The following CCDC149 variants were observed in gnomAD, a reference collection of about 807,000 sequenced individuals.
CCDC149 encodes coiled-coil domain-containing protein 149.
A neutral mutation model predicts 59.9 loss-of-function variants in CCDC149; 45 were observed. That is an observed-to-expected ratio of 0.75 (90% confidence interval 0.59 to 0.96). The LOEUF (loss-of-function observed/expected upper bound fraction) is 0.96. Ranked by LOEUF, CCDC149 falls within the 40% of genes least tolerant of loss-of-function variation. The probability of loss-of-function intolerance (pLI) is 0.00; values close to 1 mark genes in which losing one functional copy is unlikely to be tolerated. For missense variants in CCDC149, 584 were observed against 664.7 expected, an observed-to-expected ratio of 0.88 and a Z score of 1.33; for synonymous variants, 245 against 260.6, an observed-to-expected ratio of 0.94 and a Z score of 0.58.
chr4:24,896,882 G>GT (rs1720875084), intron 1 of CCDC149, among the ~76,000 whole-genome samples: 1 of 152,140 alleles, frequency 6.6e-6, no homozygotes, highest in Admixed American at 6.5e-5. Context: ...CAACGTCCTC[G>GT]TGTTAATTCA....
intron 1 of CCDC149, among the ~76,000 whole-genome samples, chr4:24,895,550 G>C (rs1337059969): frequency 1.3e-5 from 2 of 152,132 alleles, no homozygotes; most frequent in East Asian, 3.9e-4. Context: ...AAAATCCACT[G>C]TTACCCAAGG....
chr4:24,808,863 C>A, intron 12 of CCDC149, 44 bp from the exon 13 acceptor site: 2 of 1,478,318 alleles, frequency 1.4e-6, no homozygotes, highest in South Asian at 1.4e-5. Flanking sequence ...GGCAGCAAAT[C>A]AGCCCTCACC....
chr4:24,874,275 G>GTTT (rs869276822), intron 2 of CCDC149, among the ~76,000 whole-genome samples: 20 of 33,868 alleles, frequency 5.9e-4, no homozygotes, highest in African/African-American at 1.2e-3. Context: ...GTTTTTTTTT[G>GTTT]TTTTTTTGCC....
At chr4:24,959,178 G>T (rs1484000153) in intron 1 of CCDC149, among the ~76,000 whole-genome samples, 5 of 152,166 alleles carry the variant, frequency 3.3e-5, no homozygotes, top group Non-Finnish European at 7.4e-5. Context: ...GTTTCACCAT[G>T]TTAGCCAGGA....
intron 1 of CCDC149, among the ~76,000 whole-genome samples, chr4:24,911,014 A>G (rs1721839291): frequency 6.6e-6 from 1 of 152,060 alleles, no homozygotes; most frequent in African/African-American, 2.4e-5. Flanking sequence ...GAAGTTAAGG[A>G]GGTATTACTC....
chr4:24,913,221 C>T (rs1323281586), upstream of CCDC149, among the ~76,000 whole-genome samples: 1 of 152,134 alleles, frequency 6.6e-6, no homozygotes, highest in Non-Finnish European at 1.5e-5. Context: ...ACTCCGGACC[C>T]CTCAGCGCTC....
At chr4:24,914,663 G>T (rs1284035533), upstream of CCDC149, among the ~76,000 whole-genome samples, 3 of 145,788 alleles carry the variant, frequency 2.1e-5, no homozygotes, top group African/African-American at 7.6e-5. Context: ...GCTGAGCCTT[G>T]CTCAACTAGC....
At chr4:24,932,275 C>T (rs1722617963) in intron 1 of CCDC149, among the ~76,000 whole-genome samples, 1 of 152,156 alleles carries the variant, frequency 6.6e-6, no homozygotes, top group Non-Finnish European at 1.5e-5. Context: ...TGAAAATCTT[C>T]AACAGATCTG....
intron 1 of CCDC149, chr4:24,895,018 CGATGATGATGAT>C: frequency 2.6e-6 from 4 of 1,528,448 alleles, no homozygotes; most frequent in Non-Finnish European, 3.5e-6. Context: ...GCCGCTCTGG[CGATGATGATGAT>C]GATGACGACG....
At chr4:24,930,801 C>G (rs1308136813) in intron 1 of CCDC149, among the ~76,000 whole-genome samples, 1 of 152,118 alleles carries the variant, frequency 6.6e-6, no homozygotes, top group South Asian at 2.1e-4. Flanking sequence ...AGTTAGAAAT[C>G]ATGATAAAAA....
At chr4:24,920,268 T>C (rs1191941753) in intron 1 of CCDC149, among the ~76,000 whole-genome samples, 1 of 152,250 alleles carries the variant, frequency 6.6e-6, no homozygotes, top group African/African-American at 2.4e-5. Flanking sequence ...TGTGGTTATC[T>C]GAAGGCTCAA....
chr4:24,949,179 G>A (rs1177128062), intron 1 of CCDC149, among the ~76,000 whole-genome samples: 1 of 152,148 alleles, frequency 6.6e-6, no homozygotes, highest in East Asian at 1.9e-4. Flanking sequence ...TGTCCATTCT[G>A]TTGGAAATAA....
At chr4:24,910,062 C>T (rs905138619) in intron 1 of CCDC149, among the ~76,000 whole-genome samples, 10 of 152,168 alleles carry the variant, frequency 6.6e-5, no homozygotes, top group Non-Finnish European at 1.3e-4. Context: ...TTATAGAGGC[C>T]GGAAGTCCAA....
At chr4:24,944,477 C>T (rs76956577) in intron 1 of CCDC149, among the ~76,000 whole-genome samples, 2 of 151,338 alleles carry the variant, frequency 1.3e-5, no homozygotes, top group Non-Finnish European at 2.9e-5. Context: ...TGCAGCACAC[C>T]AACATGGCAC....
chr4:24,965,913 C>T (rs550799500), intron 1 of CCDC149, among the ~76,000 whole-genome samples: 9 of 152,338 alleles, frequency 5.9e-5, no homozygotes, highest in South Asian at 2.1e-4. Context: ...TGATCACCCA[C>T]GTAAGCTCAT....
intron 1 of CCDC149, among the ~76,000 whole-genome samples, chr4:24,923,041 AT>A (rs1356650263): frequency 6.6e-6 from 1 of 151,984 alleles, no homozygotes; most frequent in Non-Finnish European, 1.5e-5. Flanking sequence ...CCATAAACCA[AT>A]TTTTTAAAGA....
At chr4:24,915,271 A>G (rs1722093359), upstream of CCDC149, among the ~76,000 whole-genome samples, 1 of 91,834 alleles carries the variant, frequency 1.1e-5, no homozygotes, top group African/African-American at 3.6e-5. Context: ...ATCTGTTTTC[A>G]TCCTGACCTG....
At chr4:24,820,167 C>T in intron 11 of CCDC149, 192 bp from the exon 12 acceptor site, 1 of 526,408 alleles carries the variant, frequency 1.9e-6, no homozygotes, top group Admixed American at 3.5e-5. Flanking sequence ...CCCTTGCACA[C>T]ACACACACAC....
At chr4:24,850,720 T>C (rs539321740) in intron 4 of CCDC149, among the ~76,000 whole-genome samples, 2 of 152,008 alleles carry the variant, frequency 1.3e-5, no homozygotes, top group Non-Finnish European at 2.9e-5. Flanking sequence ...GAAAGTGCCA[T>C]AATTAATTCA....
Sources: allele counts gnomAD v4.1 joint callset (sites outside exome capture counted in the v4.1 genomes callset), GRCh38; gene constraint gnomAD v4.1.1; transcripts MANE v1.5; gene names NCBI Gene and HGNC (gene_info 2026-07-23, HGNC 2026-07-21).